Variants in TTN observed in about 807,000 individuals in gnomAD.
The protein encoded by TTN is connectin.
A neutral mutation model predicts 3,223.0 loss-of-function variants in TTN; 1,525 were observed. The observed-to-expected ratio is 0.47, with a 90% CI of 0.45 to 0.49. TTN has a LOEUF of 0.49. Ranked by LOEUF, TTN falls within the 20% of genes least tolerant of loss-of-function variation. The pLI is 0.00. For missense variants in TTN, 40,786 were observed against 43,424.0 expected (o/e 0.94, Z 5.40); for synonymous variants, 14,094 against 15,161.0 (o/e 0.93, Z 5.17).
At chr2:178,680,091 A>G (rs2069004122) in intron 139 of TTN, 36 bp from the exon 140 acceptor site, 1 of 1,606,358 alleles carries the variant, frequency 6.2e-7, no homozygotes, top group South Asian at 1.1e-5. Context: ...GACATTTGCC[A>G]ATGACTCAAC....
intron 111 of TTN, among the ~76,000 whole-genome samples, chr2:178,699,686 C>G (rs1385343685): frequency 1.4e-5 from 2 of 145,186 alleles, no homozygotes; most frequent in Non-Finnish European, 3.0e-5. Context: ...GCTGGGATTA[C>G]AGGCGTGAGC....
chr2:178,678,240 G>A (rs765140116), intron 144 of TTN, 32 bp from the exon 145 acceptor site: 2 of 1,575,782 alleles, frequency 1.3e-6, no homozygotes, highest in African/African-American at 1.4e-5. Context: ...TTAGGAATAT[G>A]TTCTTTTAAA....
chr2:178,791,951 A>G lies in TTN; in HGVS notation c.1662+121T>C, dbSNP rs887996476. ...TTTCAATACTAGACATAGAGGAACA[A>G]TAACAAAAAATATACAACCAAAGAC... On this transcript the variant is annotated intron_variant, in intron 10 of 362. Coordinates refer to ENST00000589042, the MANE Select transcript of TTN (RefSeq NM_001267550.2). 36 of 1,101,556 alleles carry G rather than the reference A, an allele frequency of 3.3e-5. No homozygotes were observed. The African/African-American group carries it at 4.8e-4, about 15-fold the overall frequency. The allele number at this position is 1,101,556 out of a possible 1,614,324, so 68.2% of individuals were successfully genotyped here.
In TTN at chr2:178,634,279, A is replaced by C; in HGVS notation, c.42415+87T>G. 6.5e-7 allele frequency: 1 copy of C among 1,527,374 alleles called. No homozygotes were observed. Among genetic ancestry groups the C allele is most frequent in the Admixed American group, 2.4e-5 (1 of 40,930 alleles). 94.6% of individuals were successfully genotyped at this position (1,527,374 alleles called of 1,614,324 possible). ...GAAAGTTAATTAGTGATGCATTATC[A>C]CAGCTTTTAGAACTTGGCGTCCTAT... On this transcript the variant is annotated intron_variant, in intron 230 of 362. Transcript: ENST00000589042. This position sits in a 1 kb window ranked among gnomAD's most constrained non-coding sequence, Gnocchi z 4.6.
chr2:178,804,745 A>G (rs901769578), intron 1 of TTN, 90 bp from the exon 2 acceptor site: 2 of 1,185,976 alleles, frequency 1.7e-6, no homozygotes, highest in Middle Eastern at 2.7e-4. Context: ...CGTTTCTCCA[A>G]ATGGATTGCT....
intron 236 of TTN, among the ~76,000 whole-genome samples, chr2:178,631,537 A>G (rs1166881738): frequency 6.6e-6 from 1 of 152,096 alleles, no homozygotes; most frequent in Non-Finnish European, 1.5e-5. Flanking sequence ...TTTTATTAAC[A>G]GTAGCTAAAA....
chr2:178,546,556 A>G (rs1179713470), intron 341 of TTN, 44 bp downstream of exon 341: 3 of 1,593,818 alleles, frequency 1.9e-6, no homozygotes, highest in Middle Eastern at 3.4e-4. Context: ...ATTTTCACAT[A>G]AATTGAGATA....
chr2:178,649,810 T>C lies in TTN; in HGVS notation c.39895+7A>G, dbSNP rs1299824475. On this transcript the variant is annotated splice_region_variant and intron_variant, in intron 211 of 362. Transcript: ENST00000589042. ...CAAAAATGAAGTATTCATTTTAACA[T>C]GAGTACCTTTAGGAGGCGGTGCTTC... is the stretch of plus-strand genomic sequence containing the variant. The C allele has an allele frequency of 1.2e-5, 20 of 1,611,250 alleles. No homozygotes were observed. The East Asian group carries it at 2.7e-4, about 22-fold the overall frequency.
At chr2:178,752,977 T>G in intron 47 of TTN, 147 bp downstream of exon 47, 2 of 491,628 alleles carry the variant, frequency 4.1e-6, no homozygotes, top group East Asian at 6.7e-5. Flanking sequence ...AAACCAAGCA[T>G]GCGACATAGT....
intron 285 of TTN, 46 bp from the exon 286 acceptor site, chr2:178,601,833 A>G: frequency 6.2e-7 from 1 of 1,606,420 alleles, no homozygotes; most frequent in Non-Finnish European, 8.5e-7. Context: ...AATCATAGCA[A>G]TATTGAAGTC....
At position 178,775,189 on chromosome 2, in the gene TTN, G is replaced by C. The variant is rs1414401674; in HGVS notation, c.6522C>G (p.Ile2174Met). 1.2e-6 allele frequency: 2 copies of C among 1,613,862 alleles called. No homozygotes were observed. The highest frequency in any genetic ancestry group is 1.7e-5 in the Admixed American group (1 of 60,004). ...CATCTTGTAATTCCTGTGTGAAAGT[G>C]ATCAATTGCTTGGCTACAAGAAAAA... The part of the protein sequence containing the change: ...AFLLVQAKQL[I>M]TFTQELQDVV... Residue 2174 changes from isoleucine to methionine, a missense_variant, in exon 29 of 363, where the codon ATC (isoleucine) becomes ATG (methionine). Physicochemically the swap from Ile to Met is conservative, Grantham distance 10 (BLOSUM62 1). Coordinates refer to ENST00000589042, the MANE Select transcript of TTN (RefSeq NM_001267550.2).
rs2076419337 is a variant in TTN at position 178,709,960 on chromosome 2, G to A, written c.28463-104C>T. 2.6e-6 allele frequency: 3 copies of A among 1,176,270 alleles called. No individual in the cohort carries two copies. In the Admixed American group the frequency reaches 7.9e-5, roughly 31 times the overall value. The allele number at this position is 1,176,270 out of a possible 1,614,324, so 72.9% of individuals were successfully genotyped here. A position where few individuals can be genotyped will look rare whatever the true frequency, so the allele number is the denominator to read the frequency against. On this transcript the variant is annotated intron_variant, in intron 98 of 362. Coordinates refer to ENST00000589042, the MANE Select transcript of TTN (RefSeq NM_001267550.2). The stretch of plus-strand genomic sequence containing the variant: ...CTCATATTTTTAGTTAAAAATCAAG[G>A]CTAACCAACTAAATACACTATATCA...
Position 178,555,271 on chromosome 2 carries a change from T to C in TTN, c.88307-119A>G, listed in dbSNP as rs1700934377. ...TTAAATTATACACACACACCATCATTATAATTCTATGCAATTATTATTTAA... is the reference window on the plus strand; with the variant it reads ...TTAAATTATACACACACACCATCATCATAATTCTATGCAATTATTATTTAA... On this transcript the variant is annotated intron_variant, in intron 330 of 362. Transcript: ENST00000589042. 6.7e-6 allele frequency: 6 copies of C among 901,248 alleles called. No homozygotes were observed. The African/African-American group carries it at 1.0e-4, about 15-fold the overall frequency. 55.8% of individuals were successfully genotyped at this position (901,248 alleles called of 1,614,324 possible).
In TTN at chr2:178,532,092, G is replaced by T. The variant is rs1478250393; in HGVS notation, c.104523C>A (p.Arg34841=). 1.9e-6 allele frequency: 3 copies of T among 1,613,820 alleles called. No homozygotes were observed. The highest frequency in any genetic ancestry group is 2.5e-6 in the Non-Finnish European group (3 of 1,179,876). ...ACTCAATATAAGTTGGAGACAGGGA[G>T]CGCCGTCGTCTCAGTAGTCTAGACG... ...SSASRLLRRR[R]SLSPTYIELM... The change falls in exon 358 of 363, where the codon CGC becomes CGA. Residue 34841 remains arginine, a synonymous_variant. Transcript: ENST00000589042.
At position 178,723,537 on chromosome 2, in the gene TTN, T is replaced by TC; in HGVS notation, c.21562dup (p.Glu7188GlyfsTer11). The TC allele has an allele frequency of 6.2e-7, 1 of 1,613,440 alleles. No homozygotes were observed. The highest frequency in any genetic ancestry group is 8.5e-7 in the Non-Finnish European group (1 of 1,179,602). Reference sequence around the variant, plus strand: ...TAATTCCAGTTCTGCCACAGTGTCTTCAAAATAGATGTTGCACCGGTCTCC... The same window carrying TC: ...TAATTCCAGTTCTGCCACAGTGTCTTCCAAAATAGATGTTGCACCGGTCTCC... On this transcript the variant is annotated frameshift_variant, in exon 74 of 363. Transcript: ENST00000589042. LOFTEE classifies it high-confidence loss of function.
Position 178,593,355 on chromosome 2 carries a change from C to T in TTN, c.58853G>A (p.Arg19618Lys). 2 of 1,613,344 alleles carry T rather than the reference C, an allele frequency of 1.2e-6. No individual in the cohort carries two copies. Among genetic ancestry groups the T allele is most frequent in the Non-Finnish European group, 1.7e-6 (2 of 1,179,540 alleles). Residue 19618 changes from arginine (R) to lysine (K), a missense_variant, in exon 299 of 363, where the codon AGA becomes AAA. Transcript: ENST00000589042. Reference protein sequence around the residue: ...KPITNYILEKRETMSKRWARV... With the variant: ...KPITNYILEKKETMSKRWARV... ...AGCCCATCGTTTAGACATAGTTTCT[C>T]TCTTTTCCAGGATGTAGTTTGTGAT... is the stretch of plus-strand genomic sequence containing the variant.
chr2:178,538,106 C>T, intron 354 of TTN, 189 bp from the exon 355 acceptor site: 1 of 600,460 alleles, frequency 1.7e-6, no homozygotes, highest in Non-Finnish European at 2.9e-6. Flanking sequence ...TCAATGAGCA[C>T]ATCGTCACAT....
At chr2:178,797,771 CT>C (rs1279510664) in intron 6 of TTN, among the ~76,000 whole-genome samples, 3 of 152,056 alleles carry the variant, frequency 2.0e-5, no homozygotes, top group Admixed American at 6.5e-5. Flanking sequence ...TTAGAAATGA[CT>C]TTTTGCTTTT....
In TTN at chr2:178,536,279, C is replaced by T; in HGVS notation, c.100468G>A (p.Asp33490Asn). 1.2e-6 allele frequency: 2 copies of T among 1,613,686 alleles called. No homozygotes were observed. Among genetic ancestry groups the T allele is most frequent in the Non-Finnish European group, 1.7e-6 (2 of 1,179,758 alleles). The change falls in exon 357 of 363, where the codon GAT becomes AAT. Residue 33490 changes from aspartate to asparagine, a missense_variant. Asp to Asn is a conservative substitution (Grantham distance 23, BLOSUM62 1). Transcript: ENST00000589042. ...AAGTGTGGTGCCTGAATTGGGACAT[C>T]AGATTTGGGAGTGATGGGTTCTGAT... Reference protein sequence around the residue: ...EISEPITPKSDVPIQAPHFKE... With the variant: ...EISEPITPKSNVPIQAPHFKE...
Sources: allele counts gnomAD v4.1 joint callset (sites outside exome capture counted in the v4.1 genomes callset), GRCh38; gene constraint gnomAD v4.1.1; non-coding constraint Gnocchi (gnomAD v3.1); transcripts MANE v1.5; gene names NCBI Gene and HGNC (gene_info 2026-07-23, HGNC 2026-07-21).